The following DACH2 variants were observed in gnomAD, a reference collection of about 807,000 sequenced individuals.
DACH2 encodes the protein dachshund family transcription factor 2.
DACH2 carries 17 observed loss-of-function variants against 35.8 expected under a neutral mutation model. That is an observed-to-expected ratio of 0.48 (90% CI 0.33 to 0.71). The LOEUF (loss-of-function observed/expected upper bound fraction) is 0.71, where lower values mean the gene tolerates loss of function less well. Ranked by LOEUF, DACH2 falls within the 30% of genes least tolerant of loss-of-function variation. The pLI is 0.02. For synonymous variants in DACH2, 195 were observed against 177.3 expected, an observed-to-expected ratio of 1.10 and a Z score of -0.79; for missense variants, 469 against 472.7, an observed-to-expected ratio of 0.99 and a Z score of 0.07.
chrX:86,445,468 C>T (rs766210472), intron 2 of DACH2, among the ~76,000 whole-genome samples: 2 of 89,810 alleles, frequency 2.2e-5, no homozygotes, highest in South Asian at 1.3e-3. Context: ...TGTAACTAAC[C>T]TGCACAATGT....
intron 2 of DACH2, among the ~76,000 whole-genome samples, chrX:86,395,701 T>A (rs1201424031): frequency 8.9e-6 from 1 of 111,814 alleles, no homozygotes; most frequent in Non-Finnish European, 1.9e-5. Flanking sequence ...TCCATGTCCC[T>A]ACAAAGGACA....
chrX:86,262,052 G>A (rs141953303), intron 1 of DACH2, among the ~76,000 whole-genome samples: 1,348 of 110,129 alleles, frequency 0.012, 19 homozygotes, highest in African/African-American at 0.041. Flanking sequence ...ATGCTGAGGT[G>A]AGAGGATTGC....
chrX:86,384,024 G>A (rs948057050), intron 2 of DACH2, among the ~76,000 whole-genome samples: 1 of 111,246 alleles, frequency 9.0e-6, no homozygotes, highest in African/African-American at 3.3e-5. Context: ...ATACTTATCT[G>A]AATGTTCAGG....
At chrX:86,667,513 GA>G (rs1569463566) in intron 4 of DACH2, among the ~76,000 whole-genome samples, 2 of 52,449 alleles carry the variant, frequency 3.8e-5, no homozygotes, top group African/African-American at 1.9e-4. Context: ...AAGAAAGAAA[GA>G]AAGAAAGAAA....
At chrX:86,331,585 G>C (rs2148049438) in intron 1 of DACH2, among the ~76,000 whole-genome samples, 1 of 111,365 alleles carries the variant, frequency 9.0e-6, no homozygotes, top group South Asian at 3.7e-4. Flanking sequence ...TTTATAGGAA[G>C]GCTTTTACAA....
intron 11 of DACH2, among the ~76,000 whole-genome samples, chrX:86,818,128 T>C (rs747416629): frequency 9.7e-4 from 109 of 111,895 alleles, no homozygotes; most frequent in African/African-American, 3.2e-3. Flanking sequence ...TTAAATAAGG[T>C]TCCACATAAA....
intron 2 of DACH2, among the ~76,000 whole-genome samples, chrX:86,435,647 G>T (rs1049740185): frequency 1.8e-5 from 2 of 111,833 alleles, no homozygotes; most frequent in African/African-American, 6.5e-5. Context: ...TGAAGATACA[G>T]TTGCAAATTT....
intron 1 of DACH2, among the ~76,000 whole-genome samples, chrX:86,349,072 T>C (rs1431746191): frequency 8.9e-6 from 1 of 112,679 alleles, no homozygotes; most frequent in African/African-American, 3.2e-5. Flanking sequence ...GAGAGCTTTC[T>C]GTATCCCAGG....
At chrX:86,232,149 T>C (rs181229890) in intron 1 of DACH2, among the ~76,000 whole-genome samples, 48 of 111,327 alleles carry the variant, frequency 4.3e-4, no homozygotes, top group African/African-American at 1.5e-3. Flanking sequence ...AGCAGGCCAA[T>C]TGGGAAAAAT....
intron 7 of DACH2, among the ~76,000 whole-genome samples, chrX:86,765,086 T>C (rs2147288068): frequency 8.9e-6 from 1 of 112,044 alleles, no homozygotes; most frequent in South Asian, 3.7e-4. Flanking sequence ...TTTTTGTTTG[T>C]TTTTGGCTTG....
chrX:86,750,375 A>G (rs1236689644), intron 7 of DACH2, among the ~76,000 whole-genome samples: 2 of 111,852 alleles, frequency 1.8e-5, no homozygotes, highest in Non-Finnish European at 3.8e-5. Flanking sequence ...CTTTATTAGT[A>G]CAATTCATTA....
chrX:86,205,408 CCTTTCCTTCCTTCCTTCCCTCCCT>C (rs2032260392), intron 1 of DACH2, among the ~76,000 whole-genome samples: 1 of 80,280 alleles, frequency 1.2e-5, no homozygotes, highest in African/African-American at 4.5e-5. Flanking sequence ...CTCCCTCCCT[CCTTTCCTTCCTTCCTTCCCTCCCT>C]CCTCCCTCCC....
At chrX:86,423,521 A>G (rs2036840601) in intron 2 of DACH2, among the ~76,000 whole-genome samples, 1 of 103,347 alleles carries the variant, frequency 9.7e-6, no homozygotes, top group South Asian at 4.2e-4. Context: ...AGATAATTAG[A>G]TTTTTTTTTT....
intron 2 of DACH2, among the ~76,000 whole-genome samples, chrX:86,477,426 T>A (rs2037864008): frequency 9.5e-6 from 1 of 105,357 alleles, no homozygotes; most frequent in Admixed American, 1.0e-4. Context: ...TGACCTTCTT[T>A]GTCTCTTCTT....
At chrX:86,470,805 A>T (rs67640223) in intron 2 of DACH2, among the ~76,000 whole-genome samples, 4,142 of 111,534 alleles carry the variant, frequency 0.037, 84 homozygotes, top group East Asian at 0.21. Context: ...GATACACATT[A>T]TATGTCAAAA....
At chrX:86,472,614 C>A (rs1280071554) in intron 2 of DACH2, among the ~76,000 whole-genome samples, 1 of 111,978 alleles carries the variant, frequency 8.9e-6, no homozygotes, top group Non-Finnish European at 1.9e-5. Flanking sequence ...CACTGCATTT[C>A]TTAAAATAAA....
intron 3 of DACH2, among the ~76,000 whole-genome samples, chrX:86,532,577 G>A (rs1011498826): frequency 1.9e-4 from 21 of 109,962 alleles, no homozygotes; most frequent in Non-Finnish European, 3.6e-4. Context: ...TGTGTTTCCT[G>A]AGGCCTCCTC....
chrX:86,401,827 T>A (rs181432188), intron 2 of DACH2, among the ~76,000 whole-genome samples: 20 of 110,785 alleles, frequency 1.8e-4, no homozygotes, highest in Admixed American at 1.4e-3. Context: ...CATCAAAAAG[T>A]TAATTTACCA....
At chrX:86,241,896 A>G (rs1338356650) in intron 1 of DACH2, among the ~76,000 whole-genome samples, 1 of 112,489 alleles carries the variant, frequency 8.9e-6, no homozygotes, top group Non-Finnish European at 1.9e-5. Context: ...CAGCTTCCAC[A>G]TGGTGTTGGG....
Sources: gnomAD v4.1 joint callset for allele counts (sites outside exome capture counted in the v4.1 genomes callset) on GRCh38, gnomAD v4.1.1 for gene constraint, MANE v1.5 for transcripts, NCBI Gene and HGNC (gene_info 2026-07-23, HGNC 2026-07-21) for gene names.